The following AUTS2 variants were observed in gnomAD, a reference collection of about 807,000 sequenced individuals.
AUTS2 encodes the protein autism susceptibility gene 2 protein.
In AUTS2, 17 loss-of-function variants were observed where a neutral mutation model predicts 112.4. The observed-to-expected ratio is 0.15, with a 90% CI of 0.10 to 0.23. The LOEUF (loss-of-function observed/expected upper bound fraction) is 0.23. AUTS2 is among the 10% of genes least tolerant of loss of function. The probability of loss-of-function intolerance (pLI) is 1.00; values close to 1 mark genes in which losing one functional copy is unlikely to be tolerated. For synonymous variants in AUTS2, 751 were observed against 702.7 expected (o/e 1.07, Z -1.09); for missense variants, 1,510 against 1,701.6 (o/e 0.89, Z 1.98).
At chr7:70,244,338 T>G (rs1385841161) in intron 4 of AUTS2, among the ~76,000 whole-genome samples, 1 of 152,192 alleles carries the variant, frequency 6.6e-6, no homozygotes, top group Non-Finnish European at 1.5e-5. Flanking sequence ...AAGATCAAAT[T>G]GTTTTAAAAC....
chr7:69,677,985 C>A (rs968022016), intron 1 of AUTS2, among the ~76,000 whole-genome samples: 4 of 152,132 alleles, frequency 2.6e-5, no homozygotes, highest in African/African-American at 4.8e-5. Context: ...CATTTTGAGA[C>A]CCTGAACAGT....
intron 1 of AUTS2, among the ~76,000 whole-genome samples, chr7:69,862,517 A>G (rs1030446939): frequency 6.6e-6 from 1 of 152,090 alleles, no homozygotes; most frequent in Admixed American, 6.6e-5. Flanking sequence ...GGATGAGACC[A>G]TTTTCTGAAA....
At chr7:69,917,297 T>C (rs1584438132) in intron 2 of AUTS2, among the ~76,000 whole-genome samples, 1 of 151,478 alleles carries the variant, frequency 6.6e-6, no homozygotes, top group Non-Finnish European at 1.5e-5. Flanking sequence ...TTCTTTTTTT[T>C]TTTTTTTGGT....
At chr7:70,149,451 A>G (rs1807307968) in intron 4 of AUTS2, among the ~76,000 whole-genome samples, 1 of 152,076 alleles carries the variant, frequency 6.6e-6, no homozygotes, top group Non-Finnish European at 1.5e-5. Flanking sequence ...TTTAATTTTT[A>G]ACCAAATTAA....
At chr7:70,546,196 C>A (rs1245372940) in intron 5 of AUTS2, among the ~76,000 whole-genome samples, 2 of 152,148 alleles carry the variant, frequency 1.3e-5, no homozygotes, top group South Asian at 2.1e-4. Context: ...GTAATCCCAG[C>A]ACTTTGGGAG....
intron 1 of AUTS2, among the ~76,000 whole-genome samples, chr7:69,656,656 A>G (rs1352312750): frequency 6.6e-6 from 1 of 152,176 alleles, no homozygotes; most frequent in Non-Finnish European, 1.5e-5. Context: ...TGGGAGAGGA[A>G]AATGACCAAG....
chr7:70,117,104 G>GTTTTGTTTTTTTTTT (rs1562710088), intron 2 of AUTS2, among the ~76,000 whole-genome samples: 1 of 78,458 alleles, frequency 1.3e-5, no homozygotes, highest in Non-Finnish European at 2.7e-5. Flanking sequence ...GATGACTTTT[G>GTTTTGTTTTTTTTTT]TTTTTTTTTT....
At chr7:70,486,831 C>CTGG (rs1203194951) in intron 5 of AUTS2, among the ~76,000 whole-genome samples, 2 of 149,172 alleles carry the variant, frequency 1.3e-5, no homozygotes, top group African/African-American at 2.5e-5. Context: ...GGTGGTGGTG[C>CTGG]TGGTGGTGGT....
chr7:70,793,362 T>C lies in AUTS2; in HGVS notation c.*2366T>C, dbSNP rs1792082310. On this transcript the variant is annotated 3_prime_UTR_variant, in exon 19 of 19. Transcript: ENST00000342771. ...TTACTTAAGACCTTCCAGATTTTTT[T>C]TTCCTGTCTTAGCTTTTTCTCTCTT... 6.6e-6 allele frequency: 1 copy of C among 152,180 alleles called. No homozygotes were observed. The highest frequency in any genetic ancestry group is 2.4e-5 in the African/African-American group (1 of 41,434). The allele number at this position is 152,180 out of a possible 1,614,324, so 9.4% of individuals were successfully genotyped here.
intron 5 of AUTS2, among the ~76,000 whole-genome samples, chr7:70,638,465 A>G (rs1424809362): frequency 6.6e-6 from 1 of 152,208 alleles, no homozygotes; most frequent in Non-Finnish European, 1.5e-5. Context: ...TGCCTCATCA[A>G]GTCAGAGAAT....
At position 70,489,649 on chromosome 7, in the gene AUTS2, CACAT is replaced by C. The variant is rs758885492; in HGVS notation, c.690+53869_690+53872del. 5.6e-4 allele frequency among the ~76,000 whole-genome samples: 85 copies of C among 152,338 alleles called. 1 individual carries two copies. Among genetic ancestry groups the C allele is most frequent in the Non-Finnish European group, 1.9e-4 (13 of 68,032 alleles). Reference sequence around the variant, plus strand: ...AAAATGCACAGGAGGACATCATCAACACATTTGACAAATGTTTCTTGAGTACATC... The same window carrying C: ...AAAATGCACAGGAGGACATCATCAACTTGACAAATGTTTCTTGAGTACATC... On this transcript the variant is annotated intron_variant, in intron 5 of 18. Transcript: ENST00000342771.
At chr7:70,312,076 C>G (rs1197896991) in intron 4 of AUTS2, among the ~76,000 whole-genome samples, 2 of 152,158 alleles carry the variant, frequency 1.3e-5, no homozygotes, top group Non-Finnish European at 2.9e-5. Context: ...CTAGGCTGGT[C>G]TTGAACTCCT....
chr7:70,550,021 G>A (rs1437094575), intron 5 of AUTS2, among the ~76,000 whole-genome samples: 1 of 152,168 alleles, frequency 6.6e-6, no homozygotes, highest in East Asian at 1.9e-4. Flanking sequence ...AGACGAAGTA[G>A]GACTTGAACA....
intron 5 of AUTS2, among the ~76,000 whole-genome samples, chr7:70,549,285 C>A (rs534907121): frequency 6.6e-6 from 1 of 151,996 alleles, no homozygotes; most frequent in Non-Finnish European, 1.5e-5. Context: ...CAGATTTTTC[C>A]GTGTACAGGA....
intron 4 of AUTS2, among the ~76,000 whole-genome samples, chr7:70,433,690 A>G (rs1795770413): frequency 6.6e-6 from 1 of 152,222 alleles, no homozygotes; most frequent in Non-Finnish European, 1.5e-5. Flanking sequence ...AATCGCTGTC[A>G]CTGAATATCT....
intron 4 of AUTS2, among the ~76,000 whole-genome samples, chr7:70,374,532 A>G (rs1252499446): frequency 6.6e-6 from 1 of 152,240 alleles, no homozygotes; most frequent in African/African-American, 2.4e-5. Flanking sequence ...GCTTGTAAGT[A>G]ACATTTAGTT....
rs117465852 is a variant in AUTS2, at chr7:70,391,630, C to T, written c.661-44122C>T. Among the ~76,000 whole-genome samples the T allele has an allele frequency of 6.7e-3, 1,020 of 151,884 alleles. 11 individuals are homozygous for T. Among genetic ancestry groups the T allele is most frequent in the Non-Finnish European group, 0.012 (795 of 67,956 alleles). On this transcript the variant is annotated intron_variant, in intron 4 of 18. Coordinates refer to ENST00000342771, the MANE Select transcript of AUTS2 (RefSeq NM_015570.4). ...TACTCTTCCAGGTGAGATGAGGAGTCGGGGAAACATTTGCCTGGCAGAGTG... is the reference window on the plus strand; with the variant it reads ...TACTCTTCCAGGTGAGATGAGGAGTTGGGGAAACATTTGCCTGGCAGAGTG...
intron 6 of AUTS2, among the ~76,000 whole-genome samples, chr7:70,735,609 G>A (rs575435333): frequency 2.6e-5 from 4 of 152,224 alleles, no homozygotes; most frequent in East Asian, 1.9e-4. Context: ...GGAATGCATC[G>A]GTAGCCTAAA....
intron 1 of AUTS2, among the ~76,000 whole-genome samples, chr7:69,737,556 T>A (rs1019449225): frequency 6.6e-6 from 1 of 152,000 alleles, no homozygotes; most frequent in Non-Finnish European, 1.5e-5. Flanking sequence ...TTAGGAACAG[T>A]GGGCATCAGT....
Sources: gnomAD v4.1 joint callset for allele counts (sites outside exome capture counted in the v4.1 genomes callset) on GRCh38, gnomAD v4.1.1 for gene constraint, MANE v1.5 for transcripts, NCBI Gene and HGNC (gene_info 2026-07-23, HGNC 2026-07-21) for gene names.